Variants in ANO7 observed in about 807,000 individuals in gnomAD.
The protein encoded by ANO7 is anoctamin 7.
Under a neutral mutation model 115.8 loss-of-function variants are expected in ANO7, and 114 were observed. The ratio of observed to expected loss-of-function variants is 0.98; its 90% CI spans 0.85 to 1.15. The LOEUF is 1.15. Ranked by LOEUF, ANO7 falls within the 50% of genes most tolerant of loss-of-function variation. ANO7 has a pLI of 0.00. For synonymous variants in ANO7, 550 were observed against 498.2 expected, an observed-to-expected ratio of 1.10 and a Z score of -1.38; for missense variants, 1,302 against 1,201.2, an observed-to-expected ratio of 1.08 and a Z score of -1.24.
chr2:241,201,431 G>T, intron 7 of ANO7, 76 bp downstream of exon 7: 1 of 1,516,546 alleles, frequency 6.6e-7, no homozygotes, highest in South Asian at 1.2e-5. Flanking sequence ...CAGCCTCCAT[G>T]GATGCAGAAA....
At chr2:241,197,141 C>T (rs1030004855) in intron 4 of ANO7, among the ~76,000 whole-genome samples, 1 of 152,160 alleles carries the variant, frequency 6.6e-6, no homozygotes, top group African/African-American at 2.4e-5. Context: ...GCTCTGTTGC[C>T]CAGGCTGGAG....
chr2:241,232,265 T>TA, the ANO7 span, among the ~76,000 whole-genome samples: 1 of 149,692 alleles, frequency 6.7e-6, no homozygotes, highest in Non-Finnish European at 1.5e-5. Flanking sequence ...GTCTAATTGC[T>TA]AAACAATGAC....
chr2:241,234,539 G>A, the ANO7 span, among the ~76,000 whole-genome samples: 1 of 152,180 alleles, frequency 6.6e-6, no homozygotes, highest in Non-Finnish European at 1.5e-5. Flanking sequence ...AACCCCCTTA[G>A]CAAACCAGCA....
In ANO7 at chr2:241,212,645, C is replaced by G; in HGVS notation, c.1728+19C>G. The G allele has an allele frequency of 6.2e-7, 1 of 1,608,326 alleles. No individual in the cohort carries two copies. Among genetic ancestry groups the G allele is most frequent in the Non-Finnish European group, 8.5e-7 (1 of 1,177,096 alleles). Reference sequence around the variant, plus strand: ...TGAGGAGGTGAGTGTGCCTGAGGCCCGGGACTGGGGGATGAGCTGTGTGCT... The same window carrying G: ...TGAGGAGGTGAGTGTGCCTGAGGCCGGGGACTGGGGGATGAGCTGTGTGCT... On this transcript the variant is annotated intron_variant, in intron 17 of 24. Transcript: ENST00000674324.
chr2:241,232,134 C>A, the ANO7 span, among the ~76,000 whole-genome samples: 13 of 152,346 alleles, frequency 8.5e-5, no homozygotes, highest in South Asian at 2.7e-3. Flanking sequence ...CAGCCTCAGG[C>A]ACCACCCGCG....
chr2:241,229,990 C>G, downstream of ANO7: 1 of 1,579,274 alleles, frequency 6.3e-7, no homozygotes, highest in Non-Finnish European at 8.6e-7. Context: ...AAGACAGGGT[C>G]AGTCTGCCCA....
In ANO7 at chr2:241,223,751, C is replaced by T. The variant is rs2069083637; in HGVS notation, c.2502C>T (p.Tyr834=). 2 of 1,614,220 alleles carry T rather than the reference C, an allele frequency of 1.2e-6. No homozygotes were observed. Among genetic ancestry groups the T allele is most frequent in the East Asian group, 2.2e-5 (1 of 44,886 alleles). Residue 834 remains tyrosine, a synonymous_variant, in exon 23 of 25, where the codon TAC becomes TAT. Coordinates refer to ENST00000674324, the MANE Select transcript of ANO7 (RefSeq NM_001370694.2). ...SVEIKVKREY[Y]LAKQALAENE... ...AGATCAAAGTGAAGCGGGAGTACTA[C>T]CTGGCTAAGCAGGCACTGGCTGAGA...
chr2:241,222,763 A>C (rs1374498684), intron 21 of ANO7, among the ~76,000 whole-genome samples: 1 of 152,044 alleles, frequency 6.6e-6, no homozygotes, highest in African/African-American at 2.4e-5. Flanking sequence ...ATAGGGAGGG[A>C]GGGCTCTGCT....
chr2:241,190,706 C>T (rs541446213), intron 2 of ANO7, among the ~76,000 whole-genome samples: 118 of 152,324 alleles, frequency 7.7e-4, no homozygotes, highest in South Asian at 3.5e-3. Flanking sequence ...TTCCTGCCGC[C>T]CCAAGCACAG....
At chr2:241,229,624 G>A, downstream of ANO7, 1 of 1,613,932 alleles carries the variant, frequency 6.2e-7, no homozygotes, top group Non-Finnish European at 8.5e-7. Context: ...CCCCAAGGGA[G>A]GGTCTTGGGA....
chr2:241,208,104 T>C (rs2068632090), intron 11 of ANO7, among the ~76,000 whole-genome samples: 1 of 152,332 alleles, frequency 6.6e-6, no homozygotes, highest in South Asian at 2.1e-4. Context: ...GCATGCTTCC[T>C]GGGTCTGTCC....
chr2:241,207,804 T>C lies in ANO7; in HGVS notation c.1077+134T>C, dbSNP rs558982060. ...CACCAGCTAAAGGCAGAACGCTCCATGAGCTCCTTAACCTTTGTTCTCTTG... is the reference window on the plus strand; with the variant it reads ...CACCAGCTAAAGGCAGAACGCTCCACGAGCTCCTTAACCTTTGTTCTCTTG... On this transcript the variant is annotated intron_variant, in intron 11 of 24. Transcript: ENST00000674324. The C allele has an allele frequency of 4.5e-4, 352 of 774,634 alleles. 1 individual carries two copies. Among genetic ancestry groups the C allele is most frequent in the Admixed American group, 2.6e-3 (123 of 47,442 alleles). The allele number at this position is 774,634 out of a possible 1,614,324, so 48.0% of individuals were successfully genotyped here. A position where few individuals can be genotyped will look rare whatever the true frequency, so the allele number is the denominator to read the frequency against.
At chr2:241,223,323 G>A (rs777912317) in intron 22 of ANO7, 47 bp downstream of exon 22, 12 of 1,601,476 alleles carry the variant, frequency 7.5e-6, no homozygotes, top group Middle Eastern at 1.6e-4. Flanking sequence ...ATGAGGCCCC[G>A]ACCCTGTGCT....
Position 241,209,306 on chromosome 2 carries a change from G to T in ANO7, c.1099G>T (p.Gly367Cys). 1 of 1,560,894 alleles carries T rather than the reference G, an allele frequency of 6.4e-7. No homozygotes were observed. Among genetic ancestry groups the T allele is most frequent in the East Asian group, 2.4e-5 (1 of 41,560 alleles). Residue 367 changes from glycine (G) to cysteine (C), a missense_variant, in exon 12 of 25, where the codon GGC (glycine) becomes TGC (cysteine). Gly to Cys is a radical substitution (Grantham distance 159). Transcript: ENST00000674324. ...LAQAGRLFDH[G>C]GTVFFSLFMA... is the part of the protein sequence containing the mutation. The stretch of plus-strand genomic sequence containing the variant: ...ACAGGCCGGCCGGCTGTTCGACCAC[G>T]GCGGCACCGTGTTCTTCAGCTTGTT...
chr2:241,235,567 C>T, the ANO7 span: 2 of 1,613,916 alleles, frequency 1.2e-6, no homozygotes, highest in East Asian at 4.5e-5. Context: ...AAGGGCACCT[C>T]TACTTCAATG....
chr2:241,204,389 G>A (rs1222099040), intron 9 of ANO7, among the ~76,000 whole-genome samples: 2 of 150,310 alleles, frequency 1.3e-5, no homozygotes, highest in African/African-American at 4.9e-5. Context: ...GGTAACTGAG[G>A]GATTGCGGCT....
At position 241,195,854 on chromosome 2, in the gene ANO7, AGGCTGTCATGGG is replaced by A; in HGVS notation, c.309+10_309+21del. On this transcript the variant is annotated intron_variant, in intron 4 of 24. Transcript: ENST00000674324. ...GGCTGTGTGTAGACCAGGTACGTGGAGGCTGTCATGGGCAGGGCCCTAGGCCCTGCATCCACT... is the reference window on the plus strand; with the variant it reads ...GGCTGTGTGTAGACCAGGTACGTGGACAGGGCCCTAGGCCCTGCATCCACT... 1 of 1,613,988 alleles carries A rather than the reference AGGCTGTCATGGG, an allele frequency of 6.2e-7. No individual in the cohort carries two copies. The highest frequency in any genetic ancestry group is 8.5e-7 in the Non-Finnish European group (1 of 1,179,908).
chr2:241,205,233 G>A (rs1021511107), intron 10 of ANO7, among the ~76,000 whole-genome samples: 1 of 148,948 alleles, frequency 6.7e-6, no homozygotes, highest in Non-Finnish European at 1.5e-5. Context: ...ACTGACAGGT[G>A]GTCAGGAGCA....
At position 241,203,825 on chromosome 2, in the gene ANO7, T is replaced by C. The variant is rs2068528884; in HGVS notation, c.889+327T>C. On this transcript the variant is annotated intron_variant, in intron 9 of 24. Transcript: ENST00000674324. This position sits in a 1 kb window ranked among gnomAD's most constrained non-coding sequence, Gnocchi z 4.8. ...GGGGCAACCCCAGGAACTTCCATCCTAGGGAGGTCGCCCCTGCCTGGGTCC... is the reference window on the plus strand; with the variant it reads ...GGGGCAACCCCAGGAACTTCCATCCCAGGGAGGTCGCCCCTGCCTGGGTCC... 6.6e-6 allele frequency among the ~76,000 whole-genome samples: 1 copy of C among 151,946 alleles called. No individual in the cohort carries two copies. Among genetic ancestry groups the C allele is most frequent in the Non-Finnish European group, 1.5e-5 (1 of 67,932 alleles).
Sources: gnomAD v4.1 joint callset for allele counts (sites outside exome capture counted in the v4.1 genomes callset) on GRCh38, gnomAD v4.1.1 for gene constraint, Gnocchi (gnomAD v3.1) non-coding constraint, MANE v1.5 for transcripts, NCBI Gene and HGNC (gene_info 2026-07-23, HGNC 2026-07-21) for gene names.